The following SHANK1 variants were observed in gnomAD, a reference collection of about 807,000 sequenced individuals.
SHANK1 encodes the protein SH3 and multiple ankyrin repeat domains protein 1.
In SHANK1, 35 loss-of-function variants were observed where a neutral mutation model predicts 165.6. The observed-to-expected ratio is 0.21, with a 90% CI of 0.16 to 0.28. The LOEUF is 0.28. Ranked by LOEUF, SHANK1 falls within the 10% of genes least tolerant of loss-of-function variation. SHANK1 has a pLI of 1.00. For missense variants in SHANK1, 2,681 were observed against 3,036.4 expected, an observed-to-expected ratio of 0.88 and a Z score of 2.75; for synonymous variants, 1,428 against 1,384.8, an observed-to-expected ratio of 1.03 and a Z score of -0.69.
intron 15 of SHANK1, chr19:50,689,526 C>G: frequency 1.6e-6 from 1 of 643,966 alleles, no homozygotes; most frequent in South Asian, 1.7e-5. Context: ...ATGCATCCAT[C>G]CACCCATCCA....
intron 22 of SHANK1, 37 bp from the exon 23 acceptor site, chr19:50,669,322 G>A (rs1163627503): frequency 2.8e-6 from 4 of 1,426,466 alleles, no homozygotes; most frequent in Non-Finnish European, 3.9e-6. Flanking sequence ...GGGGACCCTG[G>A]CGGGGAGGGT....
intron 11 of SHANK1, among the ~76,000 whole-genome samples, chr19:50,703,059 C>G (rs576570657): frequency 3.3e-5 from 5 of 152,124 alleles, no homozygotes; most frequent in South Asian, 2.1e-4. Context: ...GCCTGGCTGG[C>G]CTTCGCCTCC....
chr19:50,703,918 G>T, intron 10 of SHANK1, 88 bp from the exon 11 acceptor site: 1 of 698,546 alleles, frequency 1.4e-6, no homozygotes, highest in Non-Finnish European at 2.4e-6. Flanking sequence ...TGGTGGGAGA[G>T]AGGCATGAGG....
At chr19:50,711,924 T>C in intron 7 of SHANK1, 23 bp downstream of exon 7, 1 of 1,613,738 alleles carries the variant, frequency 6.2e-7, no homozygotes, top group Non-Finnish European at 8.5e-7. Context: ...ACCCCAGCCC[T>C]TCATGGCCTG....
Position 50,667,506 on chromosome 19 carries a change from G to A in SHANK1, c.4454C>T (p.Pro1485Leu), listed in dbSNP as rs768562799. Reference protein sequence around the residue: ...KPWRSAAPEEPERLPLHVRFL... With the variant: ...KPWRSAAPEELERLPLHVRFL... ...CCGCACGTGCAGCGGCAGCCGCTCG[G>A]GTTCTTCGGGGGCTGCGGACCTCCA... The change falls in exon 23 of 24, where the codon CCC (proline) becomes CTC (leucine). Residue 1485 changes from proline to leucine, a missense_variant. Transcript: ENST00000293441. The surrounding 1 kb of genome is among the most constrained non-coding windows in gnomAD (Gnocchi z 5.7). The A allele has an allele frequency of 1.5e-4, 229 of 1,522,006 alleles. No individual in the cohort carries two copies. Among genetic ancestry groups the A allele is most frequent in the Non-Finnish European group, 1.8e-4 (207 of 1,147,754 alleles). The allele number at this position is 1,522,006 out of a possible 1,614,324, so 94.3% of individuals were successfully genotyped here.
At chr19:50,709,999 G>A (rs1658671371) in intron 8 of SHANK1, among the ~76,000 whole-genome samples, 1 of 152,186 alleles carries the variant, frequency 6.6e-6, no homozygotes, top group South Asian at 2.1e-4. Flanking sequence ...ATACACGATG[G>A]CTCACCCTCG....
chr19:50,662,479 C>T lies in SHANK1; in HGVS notation c.5972G>A (p.Arg1991Gln), dbSNP rs201545692. 1.5e-5 allele frequency: 23 copies of T among 1,552,658 alleles called. 1 individual carries two copies. The Admixed American group carries it at 1.9e-4, about 13-fold the overall frequency. Residue 1991 changes from arginine to glutamine, a missense_variant, in exon 24 of 24, where the codon CGG (arginine) becomes CAG (glutamine). Arg to Gln is a conservative substitution (Grantham distance 43). Transcript: ENST00000293441. This position sits in a 1 kb window ranked among gnomAD's most constrained non-coding sequence, Gnocchi z 7.7. The stretch of plus-strand genomic sequence containing the variant: ...GGGGGCCCGGCGGAGCAGAGGGGGC[C>T]GCATCTCGAACTCCACGCCCTGGAG... ...RHLQGVEFEM[R>Q]PPLLRRAPSP... is the part of the protein sequence containing the mutation.
intron 23 of SHANK1, among the ~76,000 whole-genome samples, chr19:50,663,924 TTC>T (rs59638184): frequency 5.3e-5 from 6 of 113,628 alleles, no homozygotes; most frequent in East Asian, 2.1e-4. Context: ...TTTCTTTTCT[TTC>T]TCTCTCTCTC....
intron 21 of SHANK1, among the ~76,000 whole-genome samples, chr19:50,684,616 A>G (rs1398103617): frequency 2.6e-5 from 4 of 152,208 alleles, no homozygotes; most frequent in Non-Finnish European, 5.9e-5. Flanking sequence ...TGTACAGGAA[A>G]AAAAATCCTA....
At chr19:50,703,886 G>A in intron 10 of SHANK1, 56 bp from the exon 11 acceptor site, 1 of 752,976 alleles carries the variant, frequency 1.3e-6, no homozygotes, top group East Asian at 2.7e-5. Flanking sequence ...AGGCAAGCAG[G>A]GGGCCATGCG....
At chr19:50,708,075 T>G (rs2088967070) in intron 8 of SHANK1, among the ~76,000 whole-genome samples, 2 of 151,902 alleles carry the variant, frequency 1.3e-5, no homozygotes, top group South Asian at 4.2e-4. Context: ...GCCTCCCAAG[T>G]AGCTGGGATT....
intron 21 of SHANK1, among the ~76,000 whole-genome samples, chr19:50,672,576 A>AAAAAAAAAAAAG (rs1568430014): frequency 4.0e-5 from 6 of 151,036 alleles, no homozygotes; most frequent in African/African-American, 1.2e-4. Flanking sequence ...AAAAAAAAAA[A>AAAAAAAAAAAAG]AAAAGAAAAG....
At position 50,659,872 on chromosome 19, in the gene SHANK1, G is replaced by A. The variant is rs1262466129; in HGVS notation, c.*2093C>T. 1.3e-5 allele frequency among the ~76,000 whole-genome samples: 2 copies of A among 150,066 alleles called. No homozygotes were observed. The highest frequency in any genetic ancestry group is 2.1e-4 in the South Asian group (1 of 4,728). On this transcript the variant is annotated 3_prime_UTR_variant, in exon 24 of 24. Coordinates refer to ENST00000293441, the MANE Select transcript of SHANK1 (RefSeq NM_016148.5). ...CCGCGCAGGCCCCCTGCGGACTGGGGGCATCCGACAAGGGGGAGGGGGCGG... is the reference window on the plus strand; with the variant it reads ...CCGCGCAGGCCCCCTGCGGACTGGGAGCATCCGACAAGGGGGAGGGGGCGG...
Position 50,666,653 on chromosome 19 carries a change from C to G in SHANK1, c.5307G>C (p.Arg1769=), listed in dbSNP as rs1455983357. 1.3e-6 allele frequency: 2 copies of G among 1,589,460 alleles called. No homozygotes were observed. Among genetic ancestry groups the G allele is most frequent in the African/African-American group, 2.7e-5 (2 of 73,980 alleles). ...GRALGASGGL[R]PGPSGGLRDP... Reference sequence around the variant, plus strand: ...CTCGGAGTCCCCCGCTGGGGCCAGGCCGCAGGCCTCCGCTGGCTCCTAGCG... The same window carrying G: ...CTCGGAGTCCCCCGCTGGGGCCAGGGCGCAGGCCTCCGCTGGCTCCTAGCG... Residue 1769 remains arginine, a synonymous_variant, in exon 23 of 24, where the codon CGG becomes CGC. Transcript: ENST00000293441.
At chr19:50,710,018 A>T (rs980187090) in intron 8 of SHANK1, among the ~76,000 whole-genome samples, 2 of 152,128 alleles carry the variant, frequency 1.3e-5, no homozygotes, top group African/African-American at 4.8e-5. Flanking sequence ...CGTCAATAAG[A>T]GCTGGCGTTA....
intron 21 of SHANK1, among the ~76,000 whole-genome samples, chr19:50,673,456 C>A (rs113146939): frequency 5.9e-5 from 9 of 152,302 alleles, no homozygotes; most frequent in African/African-American, 2.2e-4. Context: ...GTTCTCTCGG[C>A]AACAGCTTTC....
At position 50,702,558 on chromosome 19, in the gene SHANK1, T is replaced by C. The variant is rs1296402953; in HGVS notation, c.1656A>G (p.Ser552=). The part of the protein sequence containing the change: ...GSRGRRRKLY[S]AVPGRSFMAV... ...CCATGAAGGAGCGTCCGGGTACCGC[T>C]GAGTAGAGCTTCCTCCGCCTCCCGC... Residue 552 remains serine (S), a synonymous_variant, in exon 12 of 24, where the codon TCA becomes TCG. Coordinates refer to ENST00000293441, the MANE Select transcript of SHANK1 (RefSeq NM_016148.5). The surrounding 1 kb of genome is among the most constrained non-coding windows in gnomAD (Gnocchi z 5.3). 1 of 1,612,874 alleles carries C rather than the reference T, an allele frequency of 6.2e-7. No individual in the cohort carries two copies. Among genetic ancestry groups the C allele is most frequent in the Admixed American group, 1.7e-5 (1 of 59,954 alleles).
At position 50,661,861 on chromosome 19, in the gene SHANK1, CAG is replaced by C. The variant is rs1269063580; in HGVS notation, c.*102_*103del. 10 of 1,349,512 alleles carry C rather than the reference CAG, an allele frequency of 7.4e-6. No homozygotes were observed. The highest frequency in any genetic ancestry group is 1.8e-5 in the Admixed American group (1 of 56,300). The allele number at this position is 1,349,512 out of a possible 1,614,324, so 83.6% of individuals were successfully genotyped here. On this transcript the variant is annotated 3_prime_UTR_variant, in exon 24 of 24. Coordinates refer to ENST00000293441, the MANE Select transcript of SHANK1 (RefSeq NM_016148.5). The stretch of plus-strand genomic sequence containing the variant: ...AGATGAGGGCAGGGCGCAGTTTGAA[CAG>C]AGTCCCTGGCCCGGGGAGAGAATGA...
At chr19:50,709,169 C>T (rs546200216) in intron 8 of SHANK1, among the ~76,000 whole-genome samples, 21 of 152,352 alleles carry the variant, frequency 1.4e-4, no homozygotes, top group South Asian at 6.2e-4. Flanking sequence ...GACGGAGTCT[C>T]GCTCTATCAC....
Sources: allele counts gnomAD v4.1 joint callset (sites outside exome capture counted in the v4.1 genomes callset), GRCh38; gene constraint gnomAD v4.1.1; non-coding constraint Gnocchi (gnomAD v3.1); transcripts MANE v1.5; gene names NCBI Gene and HGNC (gene_info 2026-07-23, HGNC 2026-07-21).